The following ARHGAP26 variants were observed in gnomAD, a reference collection of about 807,000 sequenced individuals.
ARHGAP26 encodes the protein rho GTPase-activating protein 26.
A neutral mutation model predicts 104.8 loss-of-function variants in ARHGAP26; 38 were observed. The observed-to-expected ratio is 0.36, with a 90% CI of 0.28 to 0.48. The LOEUF (loss-of-function observed/expected upper bound fraction) is 0.48. Among genes scored for constraint, ARHGAP26 ranks in the 20% least tolerant of loss-of-function variants. ARHGAP26 has a pLI of 0.99. For synonymous variants in ARHGAP26, 341 were observed against 340.0 expected (o/e 1.00, Z -0.03); for missense variants, 704 against 947.9 (o/e 0.74, Z 3.38).
At chr5:143,121,698 T>C (rs1229973637) in intron 18 of ARHGAP26, among the ~76,000 whole-genome samples, 2 of 152,206 alleles carry the variant, frequency 1.3e-5, no homozygotes, top group East Asian at 1.9e-4. Context: ...TTTTGGGGAA[T>C]TGGGGTTCCT....
chr5:143,211,616 G>T (rs1054457910), intron 21 of ARHGAP26, among the ~76,000 whole-genome samples: 5 of 150,156 alleles, frequency 3.3e-5, no homozygotes, highest in African/African-American at 9.8e-5. Context: ...CACTTGACTA[G>T]AGTGCAGTGG....
chr5:143,164,857 T>C (rs1329828611), intron 20 of ARHGAP26: 5 of 152,208 alleles, frequency 3.3e-5, no homozygotes, highest in Admixed American at 2.6e-4. Flanking sequence ...ATTAGGTCTC[T>C]ATGTACAAAA....
intron 20 of ARHGAP26, 123 bp from the exon 21 acceptor site, chr5:143,207,075 C>A: frequency 8.6e-7 from 1 of 1,160,534 alleles, no homozygotes; most frequent in Non-Finnish European, 1.2e-6. Flanking sequence ...GACAGCACAT[C>A]CCTGGGTTTC....
chr5:142,924,342 T>G (rs1204030358), intron 10 of ARHGAP26, among the ~76,000 whole-genome samples: 2 of 152,178 alleles, frequency 1.3e-5, no homozygotes, highest in Non-Finnish European at 2.9e-5. Flanking sequence ...ACATTGTCAT[T>G]AAAGCATGGG....
chr5:143,112,863 G>A (rs141520247), intron 17 of ARHGAP26, among the ~76,000 whole-genome samples: 16 of 152,324 alleles, frequency 1.1e-4, no homozygotes, highest in African/African-American at 3.8e-4. Flanking sequence ...TCATCCATCA[G>A]TAGACATTTG....
chr5:142,996,714 TG>T (rs1776454940), intron 11 of ARHGAP26, among the ~76,000 whole-genome samples: 1 of 152,146 alleles, frequency 6.6e-6, no homozygotes, highest in South Asian at 2.1e-4. Context: ...TAGATGAAGA[TG>T]GCCAGCAAAC....
At chr5:143,055,931 G>A in intron 15 of ARHGAP26, 97 bp from the exon 16 acceptor site, 1 of 789,734 alleles carries the variant, frequency 1.3e-6, no homozygotes, top group Non-Finnish European at 2.0e-6. Flanking sequence ...TTGTCTTCGA[G>A]AAATGTATTA....
intron 19 of ARHGAP26, among the ~76,000 whole-genome samples, chr5:143,140,450 TG>T (rs1562495154): frequency 6.6e-6 from 1 of 152,206 alleles, no homozygotes. Context: ...ATAGCTTCCT[TG>T]GAGGGTAATT....
At chr5:143,176,140 A>G (rs1460760335) in intron 20 of ARHGAP26, among the ~76,000 whole-genome samples, 1 of 152,150 alleles carries the variant, frequency 6.6e-6, no homozygotes, top group Non-Finnish European at 1.5e-5. Flanking sequence ...AAATAAATAA[A>G]TGAAATATGA....
chr5:142,921,565 G>A (rs1763197938), intron 10 of ARHGAP26: 1 of 167,082 alleles, frequency 6.0e-6, no homozygotes, highest in Non-Finnish European at 1.5e-5. Flanking sequence ...ATTGGTGAAA[G>A]TCAGAATAGT....
intron 1 of ARHGAP26, among the ~76,000 whole-genome samples, chr5:142,850,545 C>G (rs537687039): frequency 6.6e-6 from 1 of 152,146 alleles, no homozygotes; most frequent in Non-Finnish European, 1.5e-5. Flanking sequence ...TACAAACTTT[C>G]GAAGTTATTA....
At chr5:143,206,643 A>G (rs1808603604) in intron 20 of ARHGAP26, among the ~76,000 whole-genome samples, 1 of 152,044 alleles carries the variant, frequency 6.6e-6, no homozygotes, top group Non-Finnish European at 1.5e-5. Flanking sequence ...ATCTGTATTC[A>G]CCTCCATCGG....
chr5:142,781,439 C>T (rs1412284286), intron 1 of ARHGAP26, among the ~76,000 whole-genome samples: 1 of 151,920 alleles, frequency 6.6e-6, no homozygotes, highest in East Asian at 1.9e-4. Context: ...CATTGTATTG[C>T]CTAAAATAAT....
At chr5:142,857,011 G>T (rs183209185) in intron 1 of ARHGAP26, among the ~76,000 whole-genome samples, 78 of 152,310 alleles carry the variant, frequency 5.1e-4, no homozygotes, top group African/African-American at 1.9e-3. Flanking sequence ...CTCTAGGGAA[G>T]AATCATTCCT....
intron 12 of ARHGAP26, among the ~76,000 whole-genome samples, chr5:143,032,440 G>A (rs1466515245): frequency 6.6e-6 from 1 of 152,198 alleles, no homozygotes; most frequent in Non-Finnish European, 1.5e-5. Flanking sequence ...AGATTATAGG[G>A]ATACAGAAAT....
At chr5:142,916,446 A>G (rs1323520171) in intron 10 of ARHGAP26, among the ~76,000 whole-genome samples, 1 of 152,226 alleles carries the variant, frequency 6.6e-6, no homozygotes, top group Non-Finnish European at 1.5e-5. Flanking sequence ...ACACCCACAC[A>G]GTTCGACTTT....
chr5:142,979,460 A>G (rs530877970), intron 11 of ARHGAP26, among the ~76,000 whole-genome samples: 1 of 152,284 alleles, frequency 6.6e-6, no homozygotes, highest in Admixed American at 6.5e-5. Flanking sequence ...GCATCCAGAG[A>G]CTATGGGACA....
At chr5:142,872,595 G>T (rs367622638) in intron 1 of ARHGAP26, among the ~76,000 whole-genome samples, 1 of 152,226 alleles carries the variant, frequency 6.6e-6, no homozygotes, top group Non-Finnish European at 1.5e-5. Flanking sequence ...TGAAGACTCC[G>T]GAAGGATCAC....
At chr5:143,197,735 T>C (rs1045198448) in intron 20 of ARHGAP26, among the ~76,000 whole-genome samples, 1 of 152,236 alleles carries the variant, frequency 6.6e-6, no homozygotes, top group African/African-American at 2.4e-5. Context: ...TCTGGAATTA[T>C]TTCTTCTAAA....
Sources: gnomAD v4.1 joint callset for allele counts (sites outside exome capture counted in the v4.1 genomes callset) on GRCh38, gnomAD v4.1.1 for gene constraint, MANE v1.5 for transcripts, NCBI Gene and HGNC (gene_info 2026-07-23, HGNC 2026-07-21) for gene names.